Variants in CHD7 observed in about 807,000 individuals in gnomAD.
CHD7 encodes chromodomain helicase DNA binding protein 7.
A neutral mutation model predicts 307.3 loss-of-function variants in CHD7; 24 were observed. That is an observed-to-expected ratio of 0.08 (90% CI 0.06 to 0.11). The LOEUF (loss-of-function observed/expected upper bound fraction) is 0.11. Ranked by LOEUF, CHD7 falls within the 10% of genes least tolerant of loss-of-function variation. The probability of loss-of-function intolerance (pLI) is 1.00; values close to 1 mark genes in which losing one functional copy is unlikely to be tolerated. For missense variants in CHD7, 3,106 were observed against 3,727.1 expected, an observed-to-expected ratio of 0.83 and a Z score of 4.34; for synonymous variants, 1,363 against 1,349.9, an observed-to-expected ratio of 1.01 and a Z score of -0.21.
intron 1 of CHD7, among the ~76,000 whole-genome samples, chr8:60,691,153 T>C (rs555630122): frequency 1.4e-4 from 22 of 152,326 alleles, no homozygotes; most frequent in Middle Eastern, 3.4e-3. Context: ...CTCGAACTCC[T>C]CACCTCAGCT....
At chr8:60,770,802 C>T (rs1388458318) in intron 2 of CHD7, among the ~76,000 whole-genome samples, 2 of 152,078 alleles carry the variant, frequency 1.3e-5, no homozygotes, top group Non-Finnish European at 2.9e-5. Flanking sequence ...CCTGTCTGAA[C>T]GGGTCCTACC....
chr8:60,799,969 C>G (rs894103984), intron 4 of CHD7, among the ~76,000 whole-genome samples: 3 of 152,158 alleles, frequency 2.0e-5, no homozygotes, highest in Admixed American at 6.5e-5. Flanking sequence ...GCATTATCAC[C>G]TTTTCCTTAA....
intron 7 of CHD7, among the ~76,000 whole-genome samples, chr8:60,815,677 A>C (rs1364538100): frequency 1.3e-5 from 2 of 152,202 alleles, no homozygotes; most frequent in Non-Finnish European, 2.9e-5. Context: ...GATGATAGCA[A>C]GGGAAACATT....
intron 2 of CHD7, among the ~76,000 whole-genome samples, chr8:60,761,259 G>A (rs1264857654): frequency 6.2e-5 from 9 of 145,828 alleles, no homozygotes; most frequent in South Asian, 2.2e-4. Context: ...ACCAAACACC[G>A]CATATTCTCA....
chr8:60,686,549 G>T (rs1173824954), intron 1 of CHD7, among the ~76,000 whole-genome samples: 1 of 152,196 alleles, frequency 6.6e-6, no homozygotes, highest in East Asian at 1.9e-4. Flanking sequence ...GGCATCTGCA[G>T]TGGCTGAGGA....
chr8:60,742,625 C>T lies in CHD7; in HGVS notation c.1193C>T (p.Pro398Leu). The T allele has an allele frequency of 6.2e-7, 1 of 1,612,506 alleles. No individual in the cohort carries two copies. ...GTYASPPPMSPMKAMSNPAGT... is the reference protein window; with the variant it reads ...GTYASPPPMSLMKAMSNPAGT... ...TATGCCTCTCCACCTCCCATGTCAC[C>T]CATGAAAGCAATGAGTAATCCAGCA... The change falls in exon 2 of 38, where the codon CCC (proline) becomes CTC (leucine). Residue 398 changes from proline (P) to leucine (L), a missense_variant. By Grantham distance (98) the Pro-to-Leu change is moderately conservative. This residue lies in a region of CHD7 where 998 missense variants were observed against 1,004.5 expected (regional missense o/e 0.99). Coordinates refer to ENST00000423902, the MANE Select transcript of CHD7 (RefSeq NM_017780.4).
At chr8:60,816,587 A>C in intron 8 of CHD7, 86 bp downstream of exon 8, 1 of 772,256 alleles carries the variant, frequency 1.3e-6, no homozygotes, top group Non-Finnish European at 2.1e-6. Flanking sequence ...AATTAAGAAA[A>C]ACTAGTTAGT....
At chr8:60,737,923 C>T (rs1808790906) in intron 1 of CHD7, among the ~76,000 whole-genome samples, 1 of 152,200 alleles carries the variant, frequency 6.6e-6, no homozygotes, top group Non-Finnish European at 1.5e-5. Flanking sequence ...GATCTCTCTC[C>T]AGCTCTTAGA....
chr8:60,848,487 T>C (rs548612732), intron 23 of CHD7, 28 bp from the exon 24 acceptor site: 45 of 1,560,740 alleles, frequency 2.9e-5, no homozygotes, highest in Admixed American at 3.5e-5. Flanking sequence ...AGTTAAGAAC[T>C]TTTTCCCCCC....
At chr8:60,740,086 A>G (rs1373682511) in intron 1 of CHD7, among the ~76,000 whole-genome samples, 1 of 152,172 alleles carries the variant, frequency 6.6e-6, no homozygotes, top group Non-Finnish European at 1.5e-5. Context: ...TAGATTGTCA[A>G]CGCATTCTTT....
At chr8:60,845,857 A>G (rs1805188882) in intron 23 of CHD7, among the ~76,000 whole-genome samples, 1 of 152,186 alleles carries the variant, frequency 6.6e-6, no homozygotes, top group African/African-American at 2.4e-5. Context: ...CCAAATATAA[A>G]CACTGTATCA....
intron 1 of CHD7, among the ~76,000 whole-genome samples, chr8:60,737,093 T>C (rs879257758): frequency 1.3e-5 from 2 of 152,184 alleles, no homozygotes; most frequent in Admixed American, 6.5e-5. Flanking sequence ...TTCTTTCATC[T>C]TGGTTTCTTG....
intron 1 of CHD7, among the ~76,000 whole-genome samples, chr8:60,727,502 G>T (rs1197855008): frequency 6.6e-6 from 1 of 152,140 alleles, no homozygotes; most frequent in Non-Finnish European, 1.5e-5. Context: ...TGTTGAATCT[G>T]ATGGGCACTT....
intron 1 of CHD7, among the ~76,000 whole-genome samples, chr8:60,723,794 G>T (rs143006522): frequency 6.6e-6 from 1 of 152,148 alleles, no homozygotes; most frequent in Non-Finnish European, 1.5e-5. Context: ...AAGTTGTAAG[G>T]CCTCAAATGC....
chr8:60,864,934 A>C, intron 37 of CHD7, 82 bp from the exon 38 acceptor site: 1 of 1,333,056 alleles, frequency 7.5e-7, no homozygotes. Context: ...TTGGAATGGC[A>C]GGTTCACCAC....
intron 31 of CHD7, 62 bp downstream of exon 31, chr8:60,853,562 T>C: frequency 7.5e-7 from 1 of 1,340,296 alleles, no homozygotes; most frequent in Non-Finnish European, 1.0e-6. Context: ...GATGCGTTGC[T>C]TTCTGGCAGC....
Position 60,806,879 on chromosome 8 carries a change from G to A in CHD7, c.2443-1338G>A, listed in dbSNP as rs373586339. Among the ~76,000 whole-genome samples, 30 of 152,216 alleles carry A rather than the reference G, an allele frequency of 2.0e-4. No individual in the cohort carries two copies. The East Asian group carries it at 4.6e-3, about 24-fold the overall frequency. On this transcript the variant is annotated intron_variant, in intron 6 of 37. Transcript: ENST00000423902. The stretch of plus-strand genomic sequence containing the variant: ...TAGCTGAGCATGGTGATGTGTGCCC[G>A]TAGTCCCAGCTACTTGGGGAGGTGG...
intron 1 of CHD7, among the ~76,000 whole-genome samples, chr8:60,696,833 A>C (rs966471654): frequency 1.3e-5 from 2 of 151,722 alleles, no homozygotes; most frequent in Non-Finnish European, 2.9e-5. Context: ...AATACTTTCA[A>C]ATTTTGCATG....
Position 60,852,482 on chromosome 8 carries a change from A to G in CHD7, c.5895-16A>G, listed in dbSNP as rs149010955. 1 of 1,604,202 alleles carries G rather than the reference A, an allele frequency of 6.2e-7. No individual in the cohort carries two copies. On this transcript the variant is annotated splice_polypyrimidine_tract_variant and intron_variant, in intron 29 of 37. Coordinates refer to ENST00000423902, the MANE Select transcript of CHD7 (RefSeq NM_017780.4). ...TTCCTGAAGTATGATGCAAGCTAAT[A>G]TAATCTTTCTAACAGGTGGACAAGA... is the stretch of plus-strand genomic sequence containing the variant.
Sources: allele counts gnomAD v4.1 joint callset (sites outside exome capture counted in the v4.1 genomes callset), GRCh38; gene constraint gnomAD v4.1.1; regional missense constraint gnomAD v4.1.1; transcripts MANE v1.5; gene names NCBI Gene and HGNC (gene_info 2026-07-23, HGNC 2026-07-21).